Variants in UVRAG observed in about 807,000 individuals in gnomAD.
The protein encoded by UVRAG is UV radiation resistance associated, also known as UV radiation resistance-associated gene protein.
Under a neutral mutation model 78.0 loss-of-function variants are expected in UVRAG, and 19 were observed. The observed-to-expected ratio is 0.24, with a 90% CI of 0.17 to 0.36. UVRAG has a LOEUF of 0.36. Among genes scored for constraint, UVRAG ranks in the 10% least tolerant of loss-of-function variants. The probability of loss-of-function intolerance (pLI) is 1.00; values close to 1 mark genes in which losing one functional copy is unlikely to be tolerated. For synonymous variants in UVRAG, 323 were observed against 324.6 expected (o/e 1.00, Z 0.05); for missense variants, 740 against 853.8 (o/e 0.87, Z 1.66).
intron 7 of UVRAG, among the ~76,000 whole-genome samples, chr11:75,978,340 T>C (rs1469095783): frequency 1.3e-5 from 2 of 152,168 alleles, no homozygotes; most frequent in African/African-American, 2.4e-5. Flanking sequence ...CTGACAATTA[T>C]GTGTCTTGGA....
At chr11:76,006,748 A>T (rs570951812) in intron 9 of UVRAG, among the ~76,000 whole-genome samples, 8 of 146,556 alleles carry the variant, frequency 5.5e-5, no homozygotes, top group Admixed American at 2.1e-4. Flanking sequence ...TTTTTTTCTT[A>T]CAGTCCAACA....
chr11:76,050,482 C>T (rs1950844013), intron 12 of UVRAG, among the ~76,000 whole-genome samples: 1 of 152,090 alleles, frequency 6.6e-6, no homozygotes, highest in Admixed American at 6.5e-5. Flanking sequence ...AAGGAAATTG[C>T]GTTTTAATTC....
intron 12 of UVRAG, among the ~76,000 whole-genome samples, chr11:76,063,010 G>A (rs911456097): frequency 7.2e-5 from 11 of 152,206 alleles, no homozygotes; most frequent in South Asian, 4.2e-4. Flanking sequence ...GCCTGGGATC[G>A]CATTAGCTTT....
intron 14 of UVRAG, among the ~76,000 whole-genome samples, chr11:76,118,147 A>G (rs1952218395): frequency 6.6e-6 from 1 of 152,202 alleles, no homozygotes; most frequent in South Asian, 2.1e-4. Context: ...TGCATCTTTT[A>G]TTAGATATAC....
chr11:76,142,373 TAGAG>T lies in UVRAG; in HGVS notation c.*963_*966del, dbSNP rs1255722053. On this transcript the variant is annotated 3_prime_UTR_variant, in exon 15 of 15. Coordinates refer to ENST00000356136, the MANE Select transcript of UVRAG (RefSeq NM_003369.4). ...CAGCATTTACATGACAGAATGTATGTAGAGAGTTGGGGTGTCTGGTAGGCAAACT... is the reference window on the plus strand; with the variant it reads ...CAGCATTTACATGACAGAATGTATGTAGTTGGGGTGTCTGGTAGGCAAACT... 6.6e-6 allele frequency: 1 copy of T among 152,336 alleles called. No homozygotes were observed. The highest frequency in any genetic ancestry group is 1.5e-5 in the Non-Finnish European group (1 of 68,020). 9.4% of individuals were successfully genotyped at this position (152,336 alleles called of 1,614,324 possible).
In UVRAG at chr11:76,129,868, GTCTC is replaced by G. The variant is rs147417062; in HGVS notation, c.1398-10825_1398-10822del. Among the ~76,000 whole-genome samples, 350 of 148,206 alleles carry G rather than the reference GTCTC, an allele frequency of 2.4e-3. 1 individual carries two copies. Among genetic ancestry groups the G allele is most frequent in the African/African-American group, 7.3e-3 (296 of 40,496 alleles). Reference sequence around the variant, plus strand: ...AGAGTGCACTTTCCAAAGTATAAATGTCTCTCTCTCTCTCTCTCTCTGCACCTCT... The same window carrying G: ...AGAGTGCACTTTCCAAAGTATAAATGTCTCTCTCTCTCTCTCTGCACCTCT... On this transcript the variant is annotated intron_variant, in intron 14 of 14. Transcript: ENST00000356136.
intron 5 of UVRAG, among the ~76,000 whole-genome samples, chr11:75,898,473 A>G (rs1947403272): frequency 6.6e-6 from 1 of 152,148 alleles, no homozygotes; most frequent in South Asian, 2.1e-4. Context: ...ACTTTGTAAT[A>G]CCAGGCTCAG....
intron 7 of UVRAG, among the ~76,000 whole-genome samples, chr11:75,969,600 T>G (rs2135232856): frequency 6.6e-6 from 1 of 152,300 alleles, no homozygotes; most frequent in South Asian, 2.1e-4. Flanking sequence ...GAATATTCTA[T>G]GAAAGGCATA....
Position 75,929,152 on chromosome 11 carries a change from T to A in UVRAG, c.593+17113T>A, listed in dbSNP as rs139141705. ...AGTAACAATAAAGAATTTTACCATA[T>A]AGTATCCATATGAATCGTGGAGATT... On this transcript the variant is annotated intron_variant, in intron 6 of 14. Coordinates refer to ENST00000356136, the MANE Select transcript of UVRAG (RefSeq NM_003369.4). 1.2e-3 allele frequency among the ~76,000 whole-genome samples: 188 copies of A among 152,256 alleles called. 1 individual carries two copies. The highest frequency in any genetic ancestry group is 9.5e-3 in the East Asian group (49 of 5,170).
intron 5 of UVRAG, among the ~76,000 whole-genome samples, chr11:75,894,080 T>C (rs559937280): frequency 6.6e-6 from 1 of 152,164 alleles, no homozygotes; most frequent in South Asian, 2.1e-4. Context: ...ATACAAATGG[T>C]TAAAACATTA....
At chr11:75,930,225 A>G (rs1948205059) in intron 6 of UVRAG, among the ~76,000 whole-genome samples, 2 of 152,248 alleles carry the variant, frequency 1.3e-5, no homozygotes, top group Admixed American at 1.3e-4. Flanking sequence ...AGCACCTTCC[A>G]AAAGCTTGAG....
chr11:75,972,212 C>T (rs1440662029), intron 7 of UVRAG, among the ~76,000 whole-genome samples: 1 of 151,964 alleles, frequency 6.6e-6, no homozygotes, highest in Non-Finnish European at 1.5e-5. Flanking sequence ...GTATCTTTTG[C>T]AGATTTTAAA....
At chr11:76,007,212 A>C (rs567799548) in intron 9 of UVRAG, among the ~76,000 whole-genome samples, 24 of 152,084 alleles carry the variant, frequency 1.6e-4, no homozygotes, top group African/African-American at 5.8e-4. Context: ...GGGTCTCCCT[A>C]TATTGCCCAG....
In UVRAG at chr11:76,111,958, G is replaced by GAAA. The variant is rs567913093; in HGVS notation, c.1306-3957_1306-3955dup. ...AAAAAAAAAATCCAGAGGGTAAAGT[G>GAAA]AAAAAAAAAAATCCAGAGGGTAAAA... On this transcript the variant is annotated intron_variant, in intron 13 of 14. Coordinates refer to ENST00000356136, the MANE Select transcript of UVRAG (RefSeq NM_003369.4). 7.8e-3 allele frequency among the ~76,000 whole-genome samples: 1,101 copies of GAAA among 141,348 alleles called. 17 individuals are homozygous for GAAA. The highest frequency in any genetic ancestry group is 0.027 in the African/African-American group (1,040 of 37,998). The allele number at this position is 141,348 out of a possible 152,430, so 92.7% of individuals were successfully genotyped here.
chr11:76,099,321 T>G lies in UVRAG; in HGVS notation c.1306-16603T>G, dbSNP rs543149598. On this transcript the variant is annotated intron_variant, in intron 13 of 14. Coordinates refer to ENST00000356136, the MANE Select transcript of UVRAG (RefSeq NM_003369.4). ...GGGATCATAGGAGCAAATTATTTTCTTGTTCTGTGCCTCCATTTTTTCATC... is the reference window on the plus strand; with the variant it reads ...GGGATCATAGGAGCAAATTATTTTCGTGTTCTGTGCCTCCATTTTTTCATC... Among the ~76,000 whole-genome samples, 4 of 152,298 alleles carry G rather than the reference T, an allele frequency of 2.6e-5. No homozygotes were observed. The South Asian group carries it at 8.3e-4, about 32-fold the overall frequency.
intron 1 of UVRAG, among the ~76,000 whole-genome samples, chr11:75,836,846 ATCTTCATG>A (rs1188528986): frequency 6.6e-6 from 1 of 152,140 alleles, no homozygotes; most frequent in Non-Finnish European, 1.5e-5. Context: ...CTAACTCAAA[ATCTTCATG>A]TCTTCACTTC....
chr11:76,008,930 A>G, intron 11 of UVRAG, 63 bp downstream of exon 11: 1 of 996,172 alleles, frequency 1.0e-6, no homozygotes, highest in Non-Finnish European at 1.5e-6. Flanking sequence ...AATATCTTGA[A>G]ATGCTGGTTG....
At chr11:75,930,929 T>TTC (rs970080698) in intron 6 of UVRAG, 1 of 118,428 alleles carries the variant, frequency 8.4e-6, no homozygotes. Flanking sequence ...TGTCGGGATT[T>TTC]TCTTTCTTTC....
chr11:75,939,977 A>G (rs973300868), intron 6 of UVRAG, among the ~76,000 whole-genome samples: 1 of 152,214 alleles, frequency 6.6e-6, no homozygotes, highest in Non-Finnish European at 1.5e-5. Context: ...CACTATACCA[A>G]AAACTTAAAT....
Sources: allele counts gnomAD v4.1 joint callset (sites outside exome capture counted in the v4.1 genomes callset), GRCh38; gene constraint gnomAD v4.1.1; transcripts MANE v1.5; gene names NCBI Gene and HGNC (gene_info 2026-07-23, HGNC 2026-07-21).